Variants in LGR6 observed in about 807,000 individuals in gnomAD.
LGR6 encodes the protein leucine rich repeat containing G protein-coupled receptor 6.
In LGR6, 45 loss-of-function variants were observed where a neutral mutation model predicts 69.4. That is an observed-to-expected ratio of 0.65 (90% CI 0.51 to 0.83). The LOEUF is 0.83. Ranked by LOEUF, LGR6 falls within the 40% of genes least tolerant of loss-of-function variation. The pLI is 0.00. For missense variants in LGR6, 1,108 were observed against 1,246.7 expected, an observed-to-expected ratio of 0.89 and a Z score of 1.68; for synonymous variants, 538 against 555.0, an observed-to-expected ratio of 0.97 and a Z score of 0.43.
intron 1 of LGR6, among the ~76,000 whole-genome samples, chr1:202,208,699 C>T (rs1211935421): frequency 2.0e-5 from 3 of 152,112 alleles, no homozygotes; most frequent in Non-Finnish European, 4.4e-5. Flanking sequence ...TGCAGAAGCC[C>T]AGGGTGCCAC....
chr1:202,204,164 G>A (rs1658936372), intron 1 of LGR6, among the ~76,000 whole-genome samples: 1 of 150,696 alleles, frequency 6.6e-6, no homozygotes. Flanking sequence ...GGCAGGATCT[G>A]TGCTCGTGGT....
chr1:202,207,340 G>A (rs1430724162), intron 1 of LGR6, among the ~76,000 whole-genome samples: 1 of 152,172 alleles, frequency 6.6e-6, no homozygotes, highest in Non-Finnish European at 1.5e-5. Flanking sequence ...TGTCCAGATG[G>A]GCAGGAGGTG....
intron 1 of LGR6, among the ~76,000 whole-genome samples, chr1:202,201,618 G>C (rs1343492641): frequency 6.6e-6 from 1 of 152,168 alleles, no homozygotes; most frequent in African/African-American, 2.4e-5. Flanking sequence ...GCCCACAGCT[G>C]AGGGGTTTCC....
intron 1 of LGR6, among the ~76,000 whole-genome samples, chr1:202,201,610 C>A (rs1458944130): frequency 1.3e-5 from 2 of 152,192 alleles, no homozygotes; most frequent in African/African-American, 2.4e-5. Context: ...TCTCAGAGGC[C>A]CACAGCTGAG....
intron 1 of LGR6, among the ~76,000 whole-genome samples, chr1:202,215,365 T>C (rs1184600643): frequency 1.3e-5 from 2 of 152,178 alleles, no homozygotes; most frequent in Non-Finnish European, 2.9e-5. Flanking sequence ...GGGATTTCCA[T>C]GCGAGGAGGG....
intron 10 of LGR6, among the ~76,000 whole-genome samples, chr1:202,303,571 T>C (rs1399430495): frequency 6.6e-6 from 1 of 152,208 alleles, no homozygotes; most frequent in Non-Finnish European, 1.5e-5. Context: ...TTTCTCTCTT[T>C]ACCATGCTTG....
chr1:202,295,702 C>T (rs1667102962), intron 6 of LGR6, among the ~76,000 whole-genome samples: 1 of 152,226 alleles, frequency 6.6e-6, no homozygotes, highest in Non-Finnish European at 1.5e-5. Flanking sequence ...CCACATCCTT[C>T]ACACAGCCTG....
intron 6 of LGR6, among the ~76,000 whole-genome samples, chr1:202,295,870 A>AGTGTGTGTGTGTGTGTGT (rs10522809): frequency 1.4e-5 from 2 of 143,944 alleles, no homozygotes; most frequent in Non-Finnish European, 1.5e-5. Flanking sequence ...TTGGGTAATT[A>AGTGTGTGTGTGTGTGTGT]GTGTGTGTGT....
intron 16 of LGR6, 122 bp from the exon 17 acceptor site, chr1:202,314,680 A>G: frequency 1.4e-6 from 1 of 707,672 alleles, no homozygotes. Context: ...CCGGGTTGCT[A>G]GAATGAACAG....
In LGR6 at chr1:202,318,028, C is replaced by A. The variant is rs12123010; in HGVS notation, c.1725C>A (p.Ser575=). The A allele has an allele frequency of 6.2e-7, 1 of 1,614,122 alleles. No homozygotes were observed. Among genetic ancestry groups the A allele is most frequent in the Non-Finnish European group, 8.5e-7 (1 of 1,179,998 alleles). ...RLAVWAIVLL[S]VLCNGLVLLT... ...CCGTGTGGGCCATCGTGTTGCTCTC[C>A]GTGCTCTGCAATGGACTGGTGCTGC... is the stretch of plus-strand genomic sequence containing the variant. Residue 575 remains serine (S), a synonymous_variant, in exon 18 of 18, where the codon TCC becomes TCA. Coordinates refer to ENST00000367278, the MANE Select transcript of LGR6 (RefSeq NM_001017403.2).
intron 4 of LGR6, among the ~76,000 whole-genome samples, chr1:202,250,497 C>G (rs1663137002): frequency 6.6e-6 from 1 of 151,970 alleles, no homozygotes; most frequent in Non-Finnish European, 1.5e-5. Flanking sequence ...CCTCTGCTTT[C>G]AAGGTTCAAG....
At position 202,276,466 on chromosome 1, in the gene LGR6, C is replaced by T. The variant is rs866045411; in HGVS notation, c.589C>T (p.Arg197Cys). ...GCAGGCCATGACCCTGGCCCTCAACCGCATCAGCCACATCCCCGACTACGC... is the reference window on the plus strand; with the variant it reads ...GCAGGCCATGACCCTGGCCCTCAACTGCATCAGCCACATCCCCGACTACGC... ...ALQAMTLALNRISHIPDYAFQ... is the reference protein window; with the variant it reads ...ALQAMTLALNCISHIPDYAFQ... The change falls in exon 5 of 18, where the codon CGC becomes TGC. Residue 197 changes from arginine to cysteine, a missense_variant. Coordinates refer to ENST00000367278, the MANE Select transcript of LGR6 (RefSeq NM_001017403.2). 9 of 1,614,184 alleles carry T rather than the reference C, an allele frequency of 5.6e-6. No homozygotes were observed. The highest frequency in any genetic ancestry group is 4.5e-5 in the East Asian group (2 of 44,876).
chr1:202,205,768 C>T (rs1659191305), intron 1 of LGR6, among the ~76,000 whole-genome samples: 2 of 149,816 alleles, frequency 1.3e-5, no homozygotes, highest in Admixed American at 6.7e-5. Context: ...CACACACACA[C>T]CTCCAAACAC....
chr1:202,208,991 C>A (rs956810751), intron 1 of LGR6, among the ~76,000 whole-genome samples: 2 of 152,122 alleles, frequency 1.3e-5, no homozygotes, highest in Non-Finnish European at 2.9e-5. Context: ...TTACTCCAGC[C>A]CCTTACCCCT....
chr1:202,210,749 T>G (rs993309102), intron 1 of LGR6: 2 of 152,226 alleles, frequency 1.3e-5, no homozygotes, highest in African/African-American at 4.8e-5. Flanking sequence ...AAACTTCTTT[T>G]GAAAATTTCC....
chr1:202,303,307 G>A lies in LGR6; in HGVS notation c.958G>A (p.Glu320Lys). The part of the protein sequence containing the change: ...LSLNGAMDIQ[E>K]FPDLKGTTSL... ...TCTGAATGGTGCCATGGACATCCAG[G>A]AGTTTCCAGATCTCAAAGGCACCAC... Residue 320 changes from glutamate (E) to lysine (K), a missense_variant, in exon 10 of 18, where the codon GAG becomes AAG. Coordinates refer to ENST00000367278, the MANE Select transcript of LGR6 (RefSeq NM_001017403.2). The A allele has an allele frequency of 6.2e-7, 1 of 1,613,966 alleles. No homozygotes were observed. Among genetic ancestry groups the A allele is most frequent in the Non-Finnish European group, 8.5e-7 (1 of 1,179,896 alleles).
At chr1:202,209,247 G>A (rs898078761) in intron 1 of LGR6, among the ~76,000 whole-genome samples, 6 of 152,178 alleles carry the variant, frequency 3.9e-5, no homozygotes, top group Non-Finnish European at 8.8e-5. Flanking sequence ...CTTTCTCCAT[G>A]AGGAAGGGAT....
At chr1:202,230,736 C>A (rs973513459) in intron 3 of LGR6, among the ~76,000 whole-genome samples, 1 of 152,204 alleles carries the variant, frequency 6.6e-6, no homozygotes, top group Admixed American at 6.5e-5. Flanking sequence ...AGCTGGCCTC[C>A]CAGAGAGCTG....
At chr1:202,194,493 G>A (rs3120747) in intron 1 of LGR6, 235,476 of 658,138 alleles carry the variant, frequency 0.36, 43,567 homozygotes, top group Non-Finnish European at 0.4. Flanking sequence ...TGGACCCTGA[G>A]CGGGAGGGCG....
Sources: allele counts gnomAD v4.1 joint callset (sites outside exome capture counted in the v4.1 genomes callset), GRCh38; gene constraint gnomAD v4.1.1; transcripts MANE v1.5; gene names NCBI Gene and HGNC (gene_info 2026-07-23, HGNC 2026-07-21).